Variants in PCCA observed in about 807,000 individuals in gnomAD.
PCCA encodes the protein propionyl-CoA carboxylase subunit alpha.
PCCA carries 74 observed loss-of-function variants against 101.3 expected under a neutral mutation model. The ratio of observed to expected loss-of-function variants is 0.73; its 90% CI spans 0.61 to 0.89. The LOEUF (loss-of-function observed/expected upper bound fraction) is 0.89, where lower values mean the gene tolerates loss of function less well. Ranked by LOEUF, PCCA falls within the 40% of genes least tolerant of loss-of-function variation. The probability of loss-of-function intolerance (pLI) is 0.00; values close to 1 mark genes in which losing one functional copy is unlikely to be tolerated. For missense variants in PCCA, 891 were observed against 907.0 expected, an observed-to-expected ratio of 0.98 and a Z score of 0.23; for synonymous variants, 294 against 313.6, an observed-to-expected ratio of 0.94 and a Z score of 0.66.
chr13:100,135,947 G>A (rs1325408753), intron 4 of PCCA, among the ~76,000 whole-genome samples: 1 of 152,032 alleles, frequency 6.6e-6, no homozygotes, highest in African/African-American at 2.4e-5. Context: ...ATTTTACGCT[G>A]AGCGATTGAT....
At chr13:100,176,521 ATCTG>A (rs1566640015) in intron 6 of PCCA, among the ~76,000 whole-genome samples, 1 of 152,208 alleles carries the variant, frequency 6.6e-6, no homozygotes, top group Non-Finnish European at 1.5e-5. Context: ...CTACCCATGT[ATCTG>A]TCTACTTATT....
chr13:100,512,894 A>G (rs2086587539), intron 21 of PCCA, among the ~76,000 whole-genome samples: 1 of 152,250 alleles, frequency 6.6e-6, no homozygotes, highest in South Asian at 2.1e-4. Context: ...GTAGGGGCAC[A>G]TTCCTGAAGT....
intron 8 of PCCA, among the ~76,000 whole-genome samples, chr13:100,252,846 C>G (rs1945648632): frequency 6.6e-6 from 1 of 152,174 alleles, no homozygotes; most frequent in Admixed American, 6.6e-5. Flanking sequence ...TCATCAGCTC[C>G]TTGTTTCTAC....
rs559281648 is a variant in PCCA, at chr13:100,178,789, AT to A, written c.468+21450del. Among the ~76,000 whole-genome samples, 154 of 152,246 alleles carry A rather than the reference AT, an allele frequency of 1.0e-3. 1 individual carries two copies. The highest frequency in any genetic ancestry group is 3.6e-3 in the African/African-American group (150 of 41,558). ...AGCCACATTTTTTTAATTAATTAAA[AT>A]GTGTGGGCCGGGCGCGGTGGCTCAT... is the stretch of plus-strand genomic sequence containing the variant. On this transcript the variant is annotated intron_variant, in intron 6 of 23. Coordinates refer to ENST00000376285, the MANE Select transcript of PCCA (RefSeq NM_000282.4).
At chr13:100,422,655 T>A (rs2078905560) in intron 19 of PCCA, among the ~76,000 whole-genome samples, 1 of 152,200 alleles carries the variant, frequency 6.6e-6, no homozygotes, top group South Asian at 2.1e-4. Context: ...ATTGTTAGTC[T>A]TATCTATTTC....
intron 10 of PCCA, among the ~76,000 whole-genome samples, chr13:100,265,874 A>G (rs1285889229): frequency 6.6e-6 from 1 of 152,054 alleles, no homozygotes; most frequent in African/African-American, 2.4e-5. Flanking sequence ...GTTTTGGCCT[A>G]AGAAATGAGA....
intron 21 of PCCA, among the ~76,000 whole-genome samples, chr13:100,494,943 G>T (rs755996259): frequency 1.2e-4 from 19 of 152,058 alleles, no homozygotes; most frequent in South Asian, 8.3e-4. Flanking sequence ...CACTGCCTTA[G>T]TTCTCCCTCT....
chr13:100,236,058 T>G (rs534521188), intron 8 of PCCA, among the ~76,000 whole-genome samples, 180 bp downstream of exon 8: 2 of 152,354 alleles, frequency 1.3e-5, no homozygotes, highest in East Asian at 1.9e-4. Context: ...TAAAGGAGAC[T>G]GTAAAGAGTA....
intron 12 of PCCA, among the ~76,000 whole-genome samples, chr13:100,285,459 T>C (rs1429357194): frequency 6.6e-6 from 1 of 152,162 alleles, no homozygotes; most frequent in Non-Finnish European, 1.5e-5. Flanking sequence ...GAAATTGATG[T>C]AGTAGCAAAA....
intron 6 of PCCA, among the ~76,000 whole-genome samples, chr13:100,170,704 T>G (rs1250629970): frequency 6.6e-6 from 1 of 152,242 alleles, no homozygotes; most frequent in Non-Finnish European, 1.5e-5. Context: ...ATGTGTTGTA[T>G]TTCTTAACCA....
rs2152478869 is a variant in PCCA at position 100,209,442 on chromosome 13, T to G, written c.579T>G (p.Pro193=). 1.2e-6 allele frequency: 2 copies of G among 1,613,414 alleles called. No individual in the cohort carries two copies. The highest frequency in any genetic ancestry group is 1.7e-6 in the Non-Finnish European group (2 of 1,179,342). ...LAKKAEVNTI[P]GFDGVVKDAE... is the part of the protein sequence containing the mutation. ...AGAAAGCAGAGGTTAATACAATCCC[T>G]GGCTTTGATGGAGTAGTCAAGGTGA... Residue 193 remains proline (P), a synonymous_variant, in exon 7 of 24, where the codon CCT becomes CCG. Transcript: ENST00000376285.
At chr13:100,112,925 A>G (rs2048458894) in intron 4 of PCCA, among the ~76,000 whole-genome samples, 1 of 152,160 alleles carries the variant, frequency 6.6e-6, no homozygotes, top group African/African-American at 2.4e-5. Flanking sequence ...GTAGAAAAAA[A>G]TCCCATGGGG....
At chr13:100,391,537 C>T (rs1316471117) in intron 19 of PCCA, among the ~76,000 whole-genome samples, 1 of 152,056 alleles carries the variant, frequency 6.6e-6, no homozygotes, top group Non-Finnish European at 1.5e-5. Flanking sequence ...TCCATGTGGT[C>T]AGATAGTGCA....
chr13:100,303,015 T>C lies in PCCA; in HGVS notation c.1284+17T>C. On this transcript the variant is annotated intron_variant, in intron 14 of 23. Transcript: ENST00000376285. ...CTACCTGGTGTAAGTCATTAAGCTG[T>C]AATACCAGCTGAAGGGTTAAAATCG... 2 of 1,390,462 alleles carry C rather than the reference T, an allele frequency of 1.4e-6. No homozygotes were observed. Among genetic ancestry groups the C allele is most frequent in the African/African-American group, 1.4e-5 (1 of 70,550 alleles). 86.1% of individuals were successfully genotyped at this position (1,390,462 alleles called of 1,614,324 possible).
Position 100,394,986 on chromosome 13 carries a change from A to G in PCCA, c.1746+26412A>G, listed in dbSNP as rs952656299. ...TGTGATCTCTCCCAGAATCCCGTTC[A>G]TGCATTGTGTTTAGGATGAAATGCT... On this transcript the variant is annotated intron_variant, in intron 19 of 23. Coordinates refer to ENST00000376285, the MANE Select transcript of PCCA (RefSeq NM_000282.4). The surrounding 1 kb of genome is among the most constrained non-coding windows in gnomAD (Gnocchi z 4.3). 2.0e-5 allele frequency among the ~76,000 whole-genome samples: 3 copies of G among 152,156 alleles called. No homozygotes were observed. Among genetic ancestry groups the G allele is most frequent in the African/African-American group, 4.8e-5 (2 of 41,438 alleles).
chr13:100,350,119 A>C (rs1451091135), intron 18 of PCCA, among the ~76,000 whole-genome samples: 1 of 152,218 alleles, frequency 6.6e-6, no homozygotes, highest in Admixed American at 6.5e-5. Context: ...GAAACATAGA[A>C]AAAAGTAACC....
chr13:100,309,931 G>T, intron 16 of PCCA, 23 bp downstream of exon 16: 1 of 1,541,800 alleles, frequency 6.5e-7, no homozygotes, highest in Non-Finnish European at 9.0e-7. Context: ...ATTTGCACTC[G>T]TTGGTTATTG....
chr13:100,120,936 A>T (rs1031141952), intron 4 of PCCA, among the ~76,000 whole-genome samples: 1 of 152,108 alleles, frequency 6.6e-6, no homozygotes, highest in Non-Finnish European at 1.5e-5. Flanking sequence ...CTATCCATGA[A>T]CATGTGATAT....
In PCCA at chr13:100,390,022, G is replaced by A. The variant is rs372380279; in HGVS notation, c.1746+21448G>A. ...GCTAGAAGCAGTCATGCAGGTGGGC[G>A]CTGTGAGCCTCAGCTGCAAGTATTT... On this transcript the variant is annotated intron_variant, in intron 19 of 23. Coordinates refer to ENST00000376285, the MANE Select transcript of PCCA (RefSeq NM_000282.4). 1.1e-3 allele frequency among the ~76,000 whole-genome samples: 170 copies of A among 152,316 alleles called. 6 individuals carry two copies. In the South Asian group the frequency reaches 0.031, roughly 28 times the overall value.
Sources: gnomAD v4.1 joint callset for allele counts (sites outside exome capture counted in the v4.1 genomes callset) on GRCh38, gnomAD v4.1.1 for gene constraint, Gnocchi (gnomAD v3.1) non-coding constraint, MANE v1.5 for transcripts, NCBI Gene and HGNC (gene_info 2026-07-23, HGNC 2026-07-21) for gene names.